ACOXL: variants seen among roughly 807,000 people sequenced by gnomAD.
ACOXL encodes acyl-CoA oxidase like, also known as acyl-coenzyme A oxidase-like protein.
Under a neutral mutation model 71.9 loss-of-function variants are expected in ACOXL, and 70 were observed. The ratio of observed to expected loss-of-function variants is 0.97; its 90% CI spans 0.80 to 1.19. The LOEUF (loss-of-function observed/expected upper bound fraction) is 1.19. Ranked by LOEUF, ACOXL falls within the 50% of genes most tolerant of loss-of-function variation. ACOXL has a pLI of 0.00. For synonymous variants in ACOXL, 253 were observed against 281.6 expected (o/e 0.90, Z 1.02); for missense variants, 703 against 736.3 (o/e 0.95, Z 0.52).
chr2:110,822,911 A>AAAG (rs1473027191), intron 9 of ACOXL, among the ~76,000 whole-genome samples: 4 of 152,196 alleles, frequency 2.6e-5, no homozygotes, highest in African/African-American at 9.7e-5. Context: ...AGCATCATAC[A>AAAG]GCAGGTAGCC....
At chr2:110,863,025 T>C (rs1356893229) in intron 10 of ACOXL, among the ~76,000 whole-genome samples, 1 of 152,238 alleles carries the variant, frequency 6.6e-6, no homozygotes, top group Non-Finnish European at 1.5e-5. Flanking sequence ...GTGTTTGAGT[T>C]TGCAAATTTC....
At chr2:110,733,505 GC>G (rs1253290259) in intron 1 of ACOXL, among the ~76,000 whole-genome samples, 1 of 152,184 alleles carries the variant, frequency 6.6e-6, no homozygotes, top group Non-Finnish European at 1.5e-5. Context: ...AGTCTGAAAA[GC>G]CCAGTTGGAG....
chr2:110,802,569 T>A (rs1686132886), intron 8 of ACOXL, among the ~76,000 whole-genome samples: 1 of 151,772 alleles, frequency 6.6e-6, no homozygotes, highest in South Asian at 2.1e-4. Flanking sequence ...GAAAATTATA[T>A]GGGAAAAAAC....
intron 10 of ACOXL, chr2:110,887,213 A>C: frequency 4.8e-6 from 1 of 209,098 alleles, no homozygotes; most frequent in Admixed American, 5.2e-5. Context: ...TCTATTACAC[A>C]ATGCATCAAA....
At chr2:110,871,563 G>T (rs1005613325) in intron 10 of ACOXL, among the ~76,000 whole-genome samples, 2 of 152,024 alleles carry the variant, frequency 1.3e-5, no homozygotes, top group African/African-American at 4.8e-5. Flanking sequence ...GGCTCAACAG[G>T]AATCTTCAGT....
chr2:110,754,070 ATTTTTTTT>A lies in ACOXL; in HGVS notation c.-22-14285_-22-14278del, dbSNP rs558367497. Among the ~76,000 whole-genome samples, 3 of 119,864 alleles carry A rather than the reference ATTTTTTTT, an allele frequency of 2.5e-5. No homozygotes were observed. The East Asian group carries it at 7.0e-4, about 28-fold the overall frequency. The allele number at this position is 119,864 out of a possible 152,430, so 78.6% of individuals were successfully genotyped here. ...TGTGTGTGTGTGTGTAGTTCTGTGA[ATTTTTTTT>A]TTTTTTTTTTTTGAGATAGGGTCTC... is the stretch of plus-strand genomic sequence containing the variant. On this transcript the variant is annotated intron_variant, in intron 1 of 17. Transcript: ENST00000439055.
At chr2:110,831,403 G>A (rs1311213585) in intron 9 of ACOXL, among the ~76,000 whole-genome samples, 1 of 152,282 alleles carries the variant, frequency 6.6e-6, no homozygotes. Flanking sequence ...AGCAAAACAT[G>A]TATAGAATTT....
Position 111,020,242 on chromosome 2 carries a change from G to T in ACOXL, c.1282-11385G>T, listed in dbSNP as rs554886605. On this transcript the variant is annotated intron_variant, in intron 14 of 17. Transcript: ENST00000439055. ...CCGTGGGTGGGGCTTCCTTCATGTGGTCATTGCCTGACCAGGCTCCCCGTG... is the reference window on the plus strand; with the variant it reads ...CCGTGGGTGGGGCTTCCTTCATGTGTTCATTGCCTGACCAGGCTCCCCGTG... Among the ~76,000 whole-genome samples, 27 of 152,296 alleles carry T rather than the reference G, an allele frequency of 1.8e-4. No homozygotes were observed. In the South Asian group the frequency reaches 5.2e-3, roughly 29 times the overall value.
chr2:110,855,525 T>TA (rs1308050697), intron 10 of ACOXL, among the ~76,000 whole-genome samples: 1 of 152,344 alleles, frequency 6.6e-6, no homozygotes, highest in East Asian at 1.9e-4. Flanking sequence ...CAGGAGAAGA[T>TA]ACAAGGATGT....
At chr2:111,083,058 A>T (rs1328501807) in intron 16 of ACOXL, among the ~76,000 whole-genome samples, 1 of 152,196 alleles carries the variant, frequency 6.6e-6, no homozygotes, top group African/African-American at 2.4e-5. Context: ...GGGGAGGGAT[A>T]GCATTAGGAG....
intron 2 of ACOXL, among the ~76,000 whole-genome samples, chr2:110,777,896 A>T (rs983950067): frequency 6.6e-6 from 1 of 152,234 alleles, no homozygotes; most frequent in African/African-American, 2.4e-5. Context: ...GTCCAAACAT[A>T]GAATGTGGGT....
chr2:110,954,402 T>G (rs2061427448), intron 12 of ACOXL, among the ~76,000 whole-genome samples: 1 of 152,212 alleles, frequency 6.6e-6, no homozygotes, highest in Admixed American at 6.5e-5. Context: ...TTGAGTCTTA[T>G]CTCTGCTTGT....
rs370613775 is a variant in ACOXL, at chr2:111,031,616, C to T, written c.1282-11C>T. 59 of 1,612,960 alleles carry T rather than the reference C, an allele frequency of 3.7e-5. No individual in the cohort carries two copies. The highest frequency in any genetic ancestry group is 5.5e-5 in the South Asian group (5 of 91,044). On this transcript the variant is annotated splice_polypyrimidine_tract_variant and intron_variant, in intron 14 of 17. Transcript: ENST00000439055. ...TCCTCAATGGTGATTTTTCTTCTGT[C>T]GATTGGACAGGTAAAGACCAAGAAG...
intron 7 of ACOXL, among the ~76,000 whole-genome samples, chr2:110,800,791 C>CG (rs1411427414): frequency 6.6e-6 from 1 of 152,072 alleles, no homozygotes; most frequent in African/African-American, 2.4e-5. Flanking sequence ...ATGTATCTCC[C>CG]GGGGGTGACC....
chr2:111,085,843 G>A (rs2068179408), intron 16 of ACOXL, among the ~76,000 whole-genome samples: 1 of 151,962 alleles, frequency 6.6e-6, no homozygotes, highest in African/African-American at 2.4e-5. Flanking sequence ...AGAAAAGAGA[G>A]AAAGTCCAAA....
chr2:111,111,084 G>GT lies in ACOXL; in HGVS notation c.1543-6525dup, dbSNP rs1016998773. 9.1e-4 allele frequency among the ~76,000 whole-genome samples: 138 copies of GT among 151,962 alleles called. 2 individuals are homozygous for GT. Among genetic ancestry groups the GT allele is most frequent in the Admixed American group, 2.6e-4 (4 of 15,248 alleles). On this transcript the variant is annotated intron_variant, in intron 17 of 17. Transcript: ENST00000439055. ...CAAAACTAAACTATCAGTTGATTAA[G>GT]TTTTTTTAATTTATTTTATTTATTT...
intron 10 of ACOXL, among the ~76,000 whole-genome samples, chr2:110,843,796 G>A (rs78712027): frequency 9.6e-4 from 146 of 152,312 alleles, no homozygotes; most frequent in African/African-American, 3.4e-3. Flanking sequence ...AACCTTTAAG[G>A]TGTTAAGTGC....
intron 10 of ACOXL, among the ~76,000 whole-genome samples, chr2:110,892,873 A>G (rs947144651): frequency 2.0e-5 from 3 of 152,212 alleles, no homozygotes; most frequent in Admixed American, 1.3e-4. Context: ...TATTTTAAGC[A>G]GGTATAAACA....
chr2:111,022,610 T>C (rs912881434), intron 14 of ACOXL, among the ~76,000 whole-genome samples: 6 of 152,072 alleles, frequency 3.9e-5, no homozygotes, highest in African/African-American at 1.4e-4. Flanking sequence ...CTGGAGGTGC[T>C]TCTGGGGACC....
Sources: allele counts gnomAD v4.1 joint callset (sites outside exome capture counted in the v4.1 genomes callset), GRCh38; gene constraint gnomAD v4.1.1; transcripts MANE v1.5; gene names NCBI Gene and HGNC (gene_info 2026-07-23, HGNC 2026-07-21).